CCR5AS: variants seen among roughly 807,000 people sequenced by gnomAD.
CCR5AS encodes CCR5 antisense RNA.
chr3:46,386,528 G>A (rs186107859), intron 2 of CCR5AS, among the ~76,000 whole-genome samples: 1 of 152,350 alleles, frequency 6.6e-6, no homozygotes, highest in Admixed American at 6.5e-5. Flanking sequence ...TGGTGAGAAA[G>A]CAAGGGTAGA....
chr3:46,380,475 G>A (rs1701805919), intron 2 of CCR5AS, among the ~76,000 whole-genome samples: 2 of 152,234 alleles, frequency 1.3e-5, no homozygotes, highest in Non-Finnish European at 2.9e-5. Context: ...ACCCTCTTAT[G>A]GAATCCTATG....
chr3:46,378,790 A>G (rs948479125), intron 2 of CCR5AS, among the ~76,000 whole-genome samples: 1 of 152,176 alleles, frequency 6.6e-6, no homozygotes, highest in African/African-American at 2.4e-5. Flanking sequence ...CTGTCGTGGA[A>G]TGAAGGTTCC....
chr3:46,387,585 C>A (rs1701874701), intron 2 of CCR5AS, among the ~76,000 whole-genome samples: 2 of 152,090 alleles, frequency 1.3e-5, no homozygotes, highest in South Asian at 4.1e-4. Flanking sequence ...CCCGTCTCTA[C>A]AAAAAATACA....
chr3:46,396,320 G>A (rs1701961518), intron 1 of CCR5AS, among the ~76,000 whole-genome samples: 1 of 151,944 alleles, frequency 6.6e-6, no homozygotes, highest in Admixed American at 6.5e-5. Flanking sequence ...ATAGTTTAAG[G>A]GAGTGAGTGG....
intron 2 of CCR5AS, among the ~76,000 whole-genome samples, chr3:46,380,921 G>C (rs1701809795): frequency 6.7e-6 from 1 of 149,092 alleles, no homozygotes; most frequent in Non-Finnish European, 1.5e-5. Flanking sequence ...AAGGGCTGTT[G>C]TCTGAGCAAG....
At chr3:46,372,838 G>C (rs1559567717) in intron 2 of CCR5AS, 1 of 1,276,606 alleles carries the variant, frequency 7.8e-7, no homozygotes, top group Non-Finnish European at 1.1e-6. Context: ...TTCATGGAGG[G>C]CAACTAAATA....
intron 2 of CCR5AS, among the ~76,000 whole-genome samples, chr3:46,382,097 G>A (rs545862516): frequency 1.1e-4 from 17 of 152,356 alleles, no homozygotes; most frequent in Non-Finnish European, 1.9e-4. Flanking sequence ...AGCTTGCACG[G>A]GTGAATGCCG....
chr3:46,364,829 AC>A (rs1229536533), exon 4 of CCR5AS: 2 of 152,128 alleles, frequency 1.3e-5, no homozygotes, highest in Non-Finnish European at 2.9e-5. Context: ...ATTGATTCCA[AC>A]CCCCATAGAT....
At chr3:46,372,675 A>G in intron 2 of CCR5AS, 1 of 413,302 alleles carries the variant, frequency 2.4e-6, no homozygotes, top group Non-Finnish European at 4.3e-6. Flanking sequence ...AATTCCCCCA[A>G]CAGAGCCAAG....
chr3:46,372,850 A>G, intron 2 of CCR5AS: 2 of 1,419,002 alleles, frequency 1.4e-6, no homozygotes, highest in Non-Finnish European at 1.9e-6. Context: ...AACTAAATAC[A>G]TTCTAGGACT....
At chr3:46,394,374 G>C (rs777220924) in intron 1 of CCR5AS, among the ~76,000 whole-genome samples, 5 of 152,140 alleles carry the variant, frequency 3.3e-5, no homozygotes, top group Non-Finnish European at 5.9e-5. Flanking sequence ...AGATTTCGGC[G>C]ACTTACTCCA....
chr3:46,390,601 T>C (rs960847505), intron 2 of CCR5AS, among the ~76,000 whole-genome samples: 2 of 152,062 alleles, frequency 1.3e-5, no homozygotes, highest in Non-Finnish European at 2.9e-5. Context: ...TAGAGGTATC[T>C]TATACTTGTG....
Position 46,383,618 on chromosome 3 carries a change from G to C in CCR5AS, n.391+9207C>G, listed in dbSNP as rs80087302. ...ACCCCACCGCCACTCTCCTACTGTG[G>C]AGGCCAGGGATGGCCAGGGGTAAGA... On this transcript the variant is annotated intron_variant and non_coding_transcript_variant, in intron 2 of 3. Transcript: ENST00000451485. Among the ~76,000 whole-genome samples the C allele has an allele frequency of 3.5e-3, 530 of 152,232 alleles. 1 individual carries two copies. The highest frequency in any genetic ancestry group is 3.7e-3 in the Non-Finnish European group (249 of 68,014).
chr3:46,397,224 G>A (rs1432196247), intron 1 of CCR5AS, among the ~76,000 whole-genome samples: 1 of 151,872 alleles, frequency 6.6e-6, no homozygotes, highest in Admixed American at 6.5e-5. Context: ...CCCCCAGCTT[G>A]GCACATGACT....
At chr3:46,399,150 C>A (rs991384668) in intron 1 of CCR5AS, among the ~76,000 whole-genome samples, 1 of 152,126 alleles carries the variant, frequency 6.6e-6, no homozygotes, top group Admixed American at 6.5e-5. Context: ...AAATCTTAAG[C>A]ACCACTTCAG....
intron 1 of CCR5AS, among the ~76,000 whole-genome samples, chr3:46,406,335 C>T (rs191216560): frequency 6.6e-5 from 10 of 152,136 alleles, no homozygotes; most frequent in South Asian, 6.2e-4. Flanking sequence ...GCTGCTGAGT[C>T]GTTGACCCAA....
chr3:46,373,933 G>T (rs375916464), intron 2 of CCR5AS: 75 of 1,579,884 alleles, frequency 4.7e-5, no homozygotes, highest in Admixed American at 1.1e-4. Context: ...CGATCCACTG[G>T]GGAGCAGGAA....
intron 1 of CCR5AS, among the ~76,000 whole-genome samples, chr3:46,399,342 G>A (rs1487051130): frequency 6.6e-6 from 1 of 152,188 alleles, no homozygotes; most frequent in Non-Finnish European, 1.5e-5. Context: ...GGTGAACCCA[G>A]GGAGACCAAT....
At chr3:46,404,916 G>T (rs1342368153) in intron 1 of CCR5AS, among the ~76,000 whole-genome samples, 1 of 152,228 alleles carries the variant, frequency 6.6e-6, no homozygotes, top group African/African-American at 2.4e-5. Flanking sequence ...TGGGGAATGA[G>T]AGTATACAGT....
Sources: allele counts gnomAD v4.1 joint callset (sites outside exome capture counted in the v4.1 genomes callset), GRCh38; gene constraint gnomAD v4.1.1; transcripts MANE v1.5; gene names NCBI Gene and HGNC (gene_info 2026-07-23, HGNC 2026-07-21).